Variants in PJA2 observed in about 807,000 individuals in gnomAD.
The protein encoded by PJA2 is praja ring finger ubiquitin ligase 2.
Under a neutral mutation model 69.3 loss-of-function variants are expected in PJA2, and 25 were observed. That is an observed-to-expected ratio of 0.36 (90% CI 0.26 to 0.50). The LOEUF is 0.50. PJA2 is among the 20% of genes least tolerant of loss of function. The pLI, the probability that PJA2 is intolerant of heterozygous loss-of-function variation, is 0.96. For synonymous variants in PJA2, 308 were observed against 277.8 expected, an observed-to-expected ratio of 1.11 and a Z score of -1.08; for missense variants, 809 against 830.2, an observed-to-expected ratio of 0.97 and a Z score of 0.31.
chr5:109,400,131 A>C (rs1747506862), intron 1 of PJA2, among the ~76,000 whole-genome samples: 1 of 151,984 alleles, frequency 6.6e-6, no homozygotes, highest in Non-Finnish European at 1.5e-5. Flanking sequence ...TCTACTAAAA[A>C]TACAAAAAAT....
chr5:109,371,322 G>A (rs1479692600), intron 4 of PJA2, among the ~76,000 whole-genome samples: 1 of 152,076 alleles, frequency 6.6e-6, no homozygotes, highest in Non-Finnish European at 1.5e-5. Flanking sequence ...CACCTTCCTT[G>A]TCAAAAATTC....
rs771814067 is a variant in PJA2 at position 109,337,000 on chromosome 5, AC to A, written c.*230del. On this transcript the variant is annotated 3_prime_UTR_variant, in exon 10 of 10. Transcript: ENST00000361189. Reference sequence around the variant, plus strand: ...AAGCTTGGCTTTACAATTAATACAAACATATTCAACTAAAGAAAATGGATGC... The same window carrying A: ...AAGCTTGGCTTTACAATTAATACAAAATATTCAACTAAAGAAAATGGATGC... 93 of 247,458 alleles carry A rather than the reference AC, an allele frequency of 3.8e-4. No individual in the cohort carries two copies. Among genetic ancestry groups the A allele is most frequent in the Non-Finnish European group, 4.8e-4 (64 of 134,538 alleles). 15.3% of individuals were successfully genotyped at this position (247,458 alleles called of 1,614,324 possible). A position where few individuals can be genotyped will look rare whatever the true frequency, so the allele number is the denominator to read the frequency against.
Position 109,383,475 on chromosome 5 carries a change from T to G in PJA2, c.-42A>C. 6.5e-7 allele frequency: 1 copy of G among 1,540,922 alleles called. No individual in the cohort carries two copies. The highest frequency in any genetic ancestry group is 8.9e-7 in the Non-Finnish European group (1 of 1,120,710). Reference sequence around the variant, plus strand: ...GTGACCAGTTCAGTAGAATTATAGATGTGATTTAGTTTTTATTCACACTAT... The same window carrying G: ...GTGACCAGTTCAGTAGAATTATAGAGGTGATTTAGTTTTTATTCACACTAT... On this transcript the variant is annotated 5_prime_UTR_variant, in exon 2 of 10. Coordinates refer to ENST00000361189, the MANE Select transcript of PJA2 (RefSeq NM_014819.5).
At chr5:109,394,302 C>T (rs1214088259) in intron 1 of PJA2, among the ~76,000 whole-genome samples, 1 of 151,808 alleles carries the variant, frequency 6.6e-6, no homozygotes, top group Non-Finnish European at 1.5e-5. Flanking sequence ...CCCGCCTCCG[C>T]CTCTCAAAGT....
At chr5:109,369,187 C>G (rs1305288530) in intron 4 of PJA2, among the ~76,000 whole-genome samples, 3 of 151,854 alleles carry the variant, frequency 2.0e-5, no homozygotes, top group Non-Finnish European at 4.4e-5. Flanking sequence ...TATAAATTAC[C>G]CAGTCTCAGG....
intron 5 of PJA2, 148 bp from the exon 6 acceptor site, chr5:109,363,170 C>T (rs928117708): frequency 5.0e-6 from 3 of 602,798 alleles, no homozygotes; most frequent in Non-Finnish European, 7.7e-6. Flanking sequence ...TCCTTAACTG[C>T]AGAATTATGT....
At chr5:109,382,771 C>T (rs188326585) in intron 2 of PJA2, among the ~76,000 whole-genome samples, 1,869 of 151,934 alleles carry the variant, frequency 0.012, 27 homozygotes, top group Non-Finnish European at 0.019. Context: ...TCACTTGAAC[C>T]CAGGAGGCGG....
chr5:109,375,046 C>A (rs1746830690), intron 4 of PJA2, among the ~76,000 whole-genome samples: 1 of 152,078 alleles, frequency 6.6e-6, no homozygotes, highest in East Asian at 1.9e-4. Flanking sequence ...CAGCTCAGAG[C>A]AATGCTACTG....
chr5:109,348,123 A>T (rs1425388389), intron 7 of PJA2, among the ~76,000 whole-genome samples: 1 of 152,208 alleles, frequency 6.6e-6, no homozygotes, highest in Non-Finnish European at 1.5e-5. Context: ...ACAGTGATGA[A>T]GATCCAACTG....
chr5:109,365,139 C>A (rs1762564769), intron 5 of PJA2, among the ~76,000 whole-genome samples: 1 of 152,172 alleles, frequency 6.6e-6, no homozygotes, highest in South Asian at 2.1e-4. Context: ...CCAGTTATTT[C>A]TCCTAAACAT....
At chr5:109,337,378 A>C (rs748317851) in intron 9 of PJA2, 22 bp from the exon 10 acceptor site, 1 of 1,573,506 alleles carries the variant, frequency 6.4e-7, no homozygotes, top group Non-Finnish European at 8.6e-7. Context: ...AAAAATGTTA[A>C]GAGCCACCAG....
Position 109,363,010 on chromosome 5 carries a change from G to A in PJA2, c.1482C>T (p.Ser494=). 1 of 1,595,332 alleles carries A rather than the reference G, an allele frequency of 6.3e-7. No individual in the cohort carries two copies. Among genetic ancestry groups the A allele is most frequent in the Non-Finnish European group, 8.6e-7 (1 of 1,166,582 alleles). The change falls in exon 6 of 10, where the codon TCC becomes TCT. Residue 494 remains serine (S), a synonymous_variant. Coordinates refer to ENST00000361189, the MANE Select transcript of PJA2 (RefSeq NM_014819.5). ...ELSLQEGEQT[S]LEEGEIPWLQ... is the part of the protein sequence containing the mutation. ...ACCAAGGAATTTCTCCCTCTTCCAA[G>A]GATGTCTGTTCCCTAGTACAAACAT...
intron 9 of PJA2, among the ~76,000 whole-genome samples, chr5:109,340,060 C>T (rs1762014931): frequency 6.6e-6 from 1 of 152,212 alleles, no homozygotes; most frequent in Admixed American, 6.5e-5. Context: ...GCAGACAATA[C>T]TCCTCAAATA....
chr5:109,401,452 T>C (rs1388440231), intron 1 of PJA2, among the ~76,000 whole-genome samples: 1 of 151,942 alleles, frequency 6.6e-6, no homozygotes. Context: ...GAGCGAGACC[T>C]TGTCTCAAAA....
chr5:109,377,634 GCT>G (rs1746923766), intron 4 of PJA2, among the ~76,000 whole-genome samples: 1 of 152,072 alleles, frequency 6.6e-6, no homozygotes, highest in South Asian at 2.1e-4. Flanking sequence ...GTTATATAAT[GCT>G]CTGTGCCTCA....
intron 4 of PJA2, among the ~76,000 whole-genome samples, chr5:109,377,478 C>T (rs890555931): frequency 4.6e-5 from 7 of 151,920 alleles, no homozygotes; most frequent in Non-Finnish European, 1.0e-4. Context: ...AAAAAAGATA[C>T]GGGTTTGTAA....
At chr5:109,361,250 C>T (rs1762499116) in intron 6 of PJA2, among the ~76,000 whole-genome samples, 1 of 152,152 alleles carries the variant, frequency 6.6e-6, no homozygotes, top group Middle Eastern at 3.2e-3. Flanking sequence ...CTACATATCT[C>T]AGTAATGTCC....
chr5:109,348,794 A>G (rs1436418957), intron 7 of PJA2, among the ~76,000 whole-genome samples: 2 of 152,228 alleles, frequency 1.3e-5, no homozygotes, highest in Non-Finnish European at 2.9e-5. Context: ...GGGTCATGGA[A>G]GAAAGAAGTT....
chr5:109,344,438 G>C lies in PJA2; in HGVS notation c.1880-127C>G, dbSNP rs142836499. 779 of 1,026,562 alleles carry C rather than the reference G, an allele frequency of 7.6e-4. 4 individuals carry two copies. The African/African-American group carries it at 9.0e-3, about 12-fold the overall frequency. The allele number at this position is 1,026,562 out of a possible 1,614,324, so 63.6% of individuals were successfully genotyped here. On this transcript the variant is annotated intron_variant, in intron 8 of 9. Coordinates refer to ENST00000361189, the MANE Select transcript of PJA2 (RefSeq NM_014819.5). ...AGAGCCAGTCTTTGACCAGTTAATT[G>C]GCAGGCATTTCTGTCTAATACTTGG...
Sources: allele counts gnomAD v4.1 joint callset (sites outside exome capture counted in the v4.1 genomes callset), GRCh38; gene constraint gnomAD v4.1.1; transcripts MANE v1.5; gene names NCBI Gene and HGNC (gene_info 2026-07-23, HGNC 2026-07-21).